TARBP1: variants seen among roughly 807,000 people sequenced by gnomAD.
The protein encoded by TARBP1 is tRNA (guanosine(18)-2'-O)-methyltransferase TARBP1.
Under a neutral mutation model 178.6 loss-of-function variants are expected in TARBP1, and 144 were observed. The observed-to-expected ratio is 0.81, with a 90% CI of 0.70 to 0.93. The LOEUF (loss-of-function observed/expected upper bound fraction) is 0.93. Ranked by LOEUF, TARBP1 falls within the 40% of genes least tolerant of loss-of-function variation. The pLI is 0.00. For synonymous variants in TARBP1, 787 were observed against 781.0 expected (o/e 1.01, Z -0.13); for missense variants, 2,067 against 2,011.7 (o/e 1.03, Z -0.53).
intron 9 of TARBP1, among the ~76,000 whole-genome samples, chr1:234,456,287 G>A (rs570487181): frequency 6.8e-4 from 104 of 152,294 alleles, no homozygotes; most frequent in African/African-American, 2.0e-3. Context: ...TGCAACCTCC[G>A]CCTCCCGGAT....
intron 1 of TARBP1, among the ~76,000 whole-genome samples, chr1:234,476,704 G>A (rs1401547420): frequency 6.6e-6 from 1 of 152,206 alleles, no homozygotes; most frequent in Non-Finnish European, 1.5e-5. Context: ...TTTTATAAAT[G>A]CTGAACACAC....
At chr1:234,433,055 T>C (rs1448286814) in intron 14 of TARBP1, among the ~76,000 whole-genome samples, 4 of 152,140 alleles carry the variant, frequency 2.6e-5, no homozygotes, top group African/African-American at 9.7e-5. Context: ...CTGGTTAACA[T>C]GGTAAAACCC....
At chr1:234,396,810 AATT>A (rs1659979372) in intron 26 of TARBP1, among the ~76,000 whole-genome samples, 1 of 152,058 alleles carries the variant, frequency 6.6e-6, no homozygotes, top group East Asian at 1.9e-4. Context: ...ATGGAATCTG[AATT>A]TTCAACAAGT....
intron 28 of TARBP1, 165 bp from the exon 29 acceptor site, chr1:234,392,717 T>A (rs1659510737): frequency 2.0e-6 from 1 of 511,144 alleles, no homozygotes; most frequent in Non-Finnish European, 3.1e-6. Context: ...CAATTTCTTT[T>A]TTTTTTTTTT....
Position 234,420,948 on chromosome 1 carries a change from G to C in TARBP1, c.3445-136C>G. The C allele has an allele frequency of 8.4e-6, 4 of 474,602 alleles. No homozygotes were observed. In the South Asian group the frequency reaches 1.7e-4, roughly 20 times the overall value. 29.4% of individuals were successfully genotyped at this position (474,602 alleles called of 1,614,324 possible). On this transcript the variant is annotated intron_variant, in intron 20 of 29. Transcript: ENST00000040877. ...TTTTTCTTCCCCCAAAAAGCAGTTA[G>C]GAGGATGAGAAAAAGAATGGCACCT...
chr1:234,427,621 A>G lies in TARBP1; in HGVS notation c.3206T>C (p.Ile1069Thr). The G allele has an allele frequency of 6.3e-7, 1 of 1,599,802 alleles. No homozygotes were observed. Among genetic ancestry groups the G allele is most frequent in the Non-Finnish European group, 8.5e-7 (1 of 1,176,470 alleles). Residue 1069 changes from isoleucine to threonine, a missense_variant, in exon 18 of 30, where the codon ATC (isoleucine) becomes ACC (threonine). Coordinates refer to ENST00000040877, the MANE Select transcript of TARBP1 (RefSeq NM_005646.4). ...AGTTCCAAATATACAAGCCTCAAGG[A>G]TAAGTTCGCTATAATTTTTAGCACT... Reference protein sequence around the residue: ...LSSAKNYSELILEACIFGTVF... With the variant: ...LSSAKNYSELTLEACIFGTVF...
rs1243590380 is a variant in TARBP1, at chr1:234,478,242, G to A, written c.862C>T (p.Leu288=). Residue 288 remains leucine (L), a synonymous_variant, in exon 1 of 30, where the codon CTG becomes TTG. Coordinates refer to ENST00000040877, the MANE Select transcript of TARBP1 (RefSeq NM_005646.4). ...GCCGACACCTCCACCGCCCTCTGCA[G>A]CAGGTAGCGCGCTCGCTTGCGCGTC... ...ALTRKRARYL[L]QRAVEVSAEL... The A allele has an allele frequency of 6.2e-7, 1 of 1,610,214 alleles. No individual in the cohort carries two copies. The highest frequency in any genetic ancestry group is 8.5e-7 in the Non-Finnish European group (1 of 1,179,070).
At chr1:234,439,861 C>T (rs1304900086) in intron 12 of TARBP1, among the ~76,000 whole-genome samples, 1 of 152,048 alleles carries the variant, frequency 6.6e-6, no homozygotes, top group African/African-American at 2.4e-5. Context: ...AATAGAAAAT[C>T]AGCAAGGATA....
At chr1:234,427,526 G>C in intron 18 of TARBP1, 50 bp downstream of exon 18, 1 of 1,524,354 alleles carries the variant, frequency 6.6e-7, no homozygotes, top group Non-Finnish European at 8.9e-7. Flanking sequence ...CTATACCCAA[G>C]TAGGCACTTA....
rs1663432615 is a variant in TARBP1, at chr1:234,424,105, C to T, written c.3444+1568G>A. On this transcript the variant is annotated intron_variant, in intron 20 of 29. Coordinates refer to ENST00000040877, the MANE Select transcript of TARBP1 (RefSeq NM_005646.4). ...CCAAGGTTTTATATAATAAAGCTGACCTGCTACCTTCAGAAAATAAAAGTA... is the reference window on the plus strand; with the variant it reads ...CCAAGGTTTTATATAATAAAGCTGATCTGCTACCTTCAGAAAATAAAAGTA... Among the ~76,000 whole-genome samples, 7 of 152,246 alleles carry T rather than the reference C, an allele frequency of 4.6e-5. No individual in the cohort carries two copies. In the South Asian group the frequency reaches 1.5e-3, roughly 32 times the overall value.
At chr1:234,404,193 G>T (rs558824056) in intron 24 of TARBP1, among the ~76,000 whole-genome samples, 3 of 151,946 alleles carry the variant, frequency 2.0e-5, no homozygotes, top group Non-Finnish European at 4.4e-5. Context: ...ACTCACCATC[G>T]AATCACAGAG....
Position 234,425,751 on chromosome 1 carries a change from T to C in TARBP1, c.3366A>G (p.Lys1122=). The C allele has an allele frequency of 6.2e-7, 1 of 1,605,468 alleles. No individual in the cohort carries two copies. Among genetic ancestry groups the C allele is most frequent in the Non-Finnish European group, 8.5e-7 (1 of 1,172,936 alleles). Residue 1122 remains lysine, a synonymous_variant, in exon 20 of 30, where the codon AAA becomes AAG. Coordinates refer to ENST00000040877, the MANE Select transcript of TARBP1 (RefSeq NM_005646.4). ...EDHYVRICAV[K]FLCLLDGSNM... is the part of the protein sequence containing the mutation. ...TGGAGCCATCTAATAAACACAGGAA[T>C]TTGACAGCACAAATTCTCACATAAT... is the stretch of plus-strand genomic sequence containing the variant.
intron 6 of TARBP1, among the ~76,000 whole-genome samples, chr1:234,461,068 A>G (rs956666709): frequency 2.0e-5 from 3 of 152,142 alleles, no homozygotes; most frequent in African/African-American, 7.2e-5. Context: ...AACACACCTG[A>G]GGTTTCTTTT....
At chr1:234,473,157 T>A (rs555836295) in intron 1 of TARBP1, among the ~76,000 whole-genome samples, 100 of 152,152 alleles carry the variant, frequency 6.6e-4, no homozygotes, top group Non-Finnish European at 1.2e-3. Context: ...AAATACAGAA[T>A]CTGAAAATCA....
chr1:234,397,065 C>T (rs534398410), intron 26 of TARBP1, among the ~76,000 whole-genome samples: 2 of 149,592 alleles, frequency 1.3e-5, no homozygotes, highest in East Asian at 2.0e-4. Flanking sequence ...AGGTGGTAAT[C>T]GGCTGGGGAG....
chr1:234,448,383 G>A, intron 11 of TARBP1, 97 bp downstream of exon 11: 1 of 1,016,304 alleles, frequency 9.8e-7, no homozygotes, highest in African/African-American at 1.6e-5. Flanking sequence ...ACACCTTGTG[G>A]TCAACTAAGT....
chr1:234,424,140 C>T (rs924435962), intron 20 of TARBP1, among the ~76,000 whole-genome samples: 1 of 152,162 alleles, frequency 6.6e-6, no homozygotes, highest in Non-Finnish European at 1.5e-5. Flanking sequence ...ATGATGAATA[C>T]TCCTGTTTTA....
chr1:234,391,475 A>G lies in TARBP1; in HGVS notation c.*102T>C, dbSNP rs1435283995. The G allele has an allele frequency of 3.8e-6, 5 of 1,306,076 alleles. No homozygotes were observed. The highest frequency in any genetic ancestry group is 2.0e-6 in the Non-Finnish European group (2 of 982,532). 80.9% of individuals were successfully genotyped at this position (1,306,076 alleles called of 1,614,324 possible). A position where few individuals can be genotyped will look rare whatever the true frequency, so the allele number is the denominator to read the frequency against. ...TGGCATTAAATTGCAAGAAAAAAGAAATACAAATTATCACAATAAATTTCA... is the reference window on the plus strand; with the variant it reads ...TGGCATTAAATTGCAAGAAAAAAGAGATACAAATTATCACAATAAATTTCA... On this transcript the variant is annotated 3_prime_UTR_variant, in exon 30 of 30. Transcript: ENST00000040877.
chr1:234,448,050 C>T (rs769784946), intron 11 of TARBP1, among the ~76,000 whole-genome samples: 1 of 152,142 alleles, frequency 6.6e-6, no homozygotes, highest in Non-Finnish European at 1.5e-5. Context: ...GTGATCTTCC[C>T]GCCTTAGCCT....
Sources: gnomAD v4.1 joint callset for allele counts (sites outside exome capture counted in the v4.1 genomes callset) on GRCh38, gnomAD v4.1.1 for gene constraint, MANE v1.5 for transcripts, NCBI Gene and HGNC (gene_info 2026-07-23, HGNC 2026-07-21) for gene names.